The following SOX6 variants were observed in gnomAD, a reference collection of about 807,000 sequenced individuals.
SOX6 encodes transcription factor SOX-6.
In SOX6, 11 loss-of-function variants were observed where a neutral mutation model predicts 97.8. The ratio of observed to expected loss-of-function variants is 0.11; its 90% CI spans 0.07 to 0.19. SOX6 has a LOEUF of 0.19. Among genes scored for constraint, SOX6 ranks in the 10% least tolerant of loss-of-function variants. The probability of loss-of-function intolerance (pLI) is 1.00; values close to 1 mark genes in which losing one functional copy is unlikely to be tolerated. For synonymous variants in SOX6, 360 were observed against 371.4 expected (o/e 0.97, Z 0.35); for missense variants, 810 against 1,039.5 (o/e 0.78, Z 3.04).
At chr11:16,727,290 C>CTTTTTTTT (rs557437543) in intron 2 of SOX6, among the ~76,000 whole-genome samples, 4 of 92,978 alleles carry the variant, frequency 4.3e-5, no homozygotes, top group Non-Finnish European at 6.1e-5. Flanking sequence ...ATTCACCTTG[C>CTTTTTTTT]TTTTTTTTTT....
intron 3 of SOX6, among the ~76,000 whole-genome samples, chr11:16,635,439 C>G (rs922741014): frequency 6.6e-6 from 1 of 152,184 alleles, no homozygotes; most frequent in Non-Finnish European, 1.5e-5. Flanking sequence ...ATCTGTGGAA[C>G]TTTGGACTTG....
chr11:16,342,143 C>T (rs1040753087), intron 1 of SOX6, among the ~76,000 whole-genome samples: 19 of 152,048 alleles, frequency 1.2e-4, no homozygotes, highest in African/African-American at 4.3e-4. Flanking sequence ...CGCTACATGA[C>T]AACGTCTCCA....
intron 4 of SOX6, among the ~76,000 whole-genome samples, chr11:16,510,399 T>C (rs1006456328): frequency 3.3e-5 from 5 of 152,072 alleles, no homozygotes; most frequent in Admixed American, 2.6e-4. Flanking sequence ...CATCTGATCC[T>C]GGCCTACATG....
chr11:16,260,145 A>G (rs1590071530), intron 3 of SOX6, among the ~76,000 whole-genome samples: 1 of 151,798 alleles, frequency 6.6e-6, no homozygotes, highest in Non-Finnish European at 1.5e-5. Context: ...GACTACAGGC[A>G]CCTGCCACCA....
At chr11:16,119,767 CTTA>C in intron 6 of SOX6, among the ~76,000 whole-genome samples, 1 of 152,306 alleles carries the variant, frequency 6.6e-6, no homozygotes, top group South Asian at 2.1e-4. Flanking sequence ...CAGAAGAGAA[CTTA>C]AAACTGACTT....
intron 3 of SOX6, among the ~76,000 whole-genome samples, chr11:16,703,510 CA>C (rs1848109733): frequency 6.6e-6 from 1 of 152,006 alleles, no homozygotes; most frequent in South Asian, 2.1e-4. Context: ...ATTACAAAGA[CA>C]GTTTTTGCTT....
At chr11:15,981,378 C>T (rs1853651437) in intron 15 of SOX6, among the ~76,000 whole-genome samples, 1 of 152,040 alleles carries the variant, frequency 6.6e-6, no homozygotes, top group Non-Finnish European at 1.5e-5. Context: ...ACATGACTTC[C>T]AAATTACAGG....
At chr11:16,480,082 G>T (rs1305826548), upstream of SOX6, among the ~76,000 whole-genome samples, 1 of 151,974 alleles carries the variant, frequency 6.6e-6, no homozygotes, top group Admixed American at 6.6e-5. Context: ...TAAAAAATAT[G>T]TGTATAATAA....
intron 6 of SOX6, among the ~76,000 whole-genome samples, chr11:16,179,007 G>A (rs1042657074): frequency 6.6e-6 from 1 of 151,750 alleles, no homozygotes; most frequent in South Asian, 2.1e-4. Flanking sequence ...TTATTATTAT[G>A]CTAGCAAAAA....
intron 13 of SOX6, among the ~76,000 whole-genome samples, chr11:16,003,573 C>T (rs1206015302): frequency 6.6e-6 from 1 of 152,118 alleles, no homozygotes; most frequent in Non-Finnish European, 1.5e-5. Flanking sequence ...TTATCCTTAT[C>T]CCCAGGGTCT....
intron 9 of SOX6, among the ~76,000 whole-genome samples, chr11:16,082,211 G>C (rs897558925): frequency 2.2e-4 from 33 of 152,132 alleles, no homozygotes; most frequent in African/African-American, 7.7e-4. Flanking sequence ...CTGTGTGAAT[G>C]TGAAAAAGGG....
chr11:16,082,749 C>A (rs1848498206), intron 9 of SOX6, among the ~76,000 whole-genome samples: 1 of 152,106 alleles, frequency 6.6e-6, no homozygotes, highest in Non-Finnish European at 1.5e-5. Flanking sequence ...GAATATCACA[C>A]CATAAAGTTG....
At chr11:16,714,592 C>G (rs1321878212) in intron 3 of SOX6, among the ~76,000 whole-genome samples, 4 of 151,860 alleles carry the variant, frequency 2.6e-5, no homozygotes, top group Non-Finnish European at 5.9e-5. Context: ...GCTGGGACTA[C>G]AGGCGAGCAC....
At chr11:16,585,194 A>G (rs1181564822) in intron 4 of SOX6, among the ~76,000 whole-genome samples, 2 of 152,236 alleles carry the variant, frequency 1.3e-5, no homozygotes, top group Non-Finnish European at 2.9e-5. Context: ...ATTAGTTCAC[A>G]TTACGTTTCA....
intron 4 of SOX6, among the ~76,000 whole-genome samples, chr11:16,592,714 T>C (rs1436059278): frequency 1.3e-5 from 2 of 152,142 alleles, no homozygotes; most frequent in East Asian, 3.8e-4. Flanking sequence ...TCCTATTTTA[T>C]TGGCATTTAA....
At chr11:16,276,073 G>A (rs1273760980) in intron 3 of SOX6, among the ~76,000 whole-genome samples, 1 of 152,128 alleles carries the variant, frequency 6.6e-6, no homozygotes, top group East Asian at 1.9e-4. Context: ...GGTCAGAGAA[G>A]TTGGGAAACT....
chr11:16,082,449 A>G (rs1848491797), intron 9 of SOX6, among the ~76,000 whole-genome samples: 1 of 152,218 alleles, frequency 6.6e-6, no homozygotes, highest in South Asian at 2.1e-4. Context: ...TTTGGTTGAA[A>G]TACAGTATCA....
At chr11:16,147,256 C>G (rs902889280) in intron 6 of SOX6, among the ~76,000 whole-genome samples, 1 of 151,844 alleles carries the variant, frequency 6.6e-6, no homozygotes, top group African/African-American at 2.4e-5. Flanking sequence ...GCAAGGACAA[C>G]AAACCAAACA....
chr11:16,676,404 C>T (rs1319899382), intron 3 of SOX6, among the ~76,000 whole-genome samples: 1 of 152,188 alleles, frequency 6.6e-6, no homozygotes, highest in African/African-American at 2.4e-5. Context: ...AATGTCTGAG[C>T]TTCCTCAGGA....
Sources: allele counts gnomAD v4.1 joint callset (sites outside exome capture counted in the v4.1 genomes callset), GRCh38; gene constraint gnomAD v4.1.1; transcripts MANE v1.5; gene names NCBI Gene and HGNC (gene_info 2026-07-23, HGNC 2026-07-21).